The following INTS9 variants were observed in gnomAD, a reference collection of about 807,000 sequenced individuals.
INTS9 encodes the protein integrator complex subunit 9, also known as protein related to CPSF subunits of 74 kDa.
INTS9 carries 55 observed loss-of-function variants against 79.7 expected under a neutral mutation model. The observed-to-expected ratio is 0.69, with a 90% CI of 0.56 to 0.86. The LOEUF is 0.86. Among genes scored for constraint, INTS9 ranks in the 40% least tolerant of loss-of-function variants. The pLI, the probability that INTS9 is intolerant of heterozygous loss-of-function variation, is 0.00. For missense variants in INTS9, 721 were observed against 831.5 expected, an observed-to-expected ratio of 0.87 and a Z score of 1.64; for synonymous variants, 319 against 325.2, an observed-to-expected ratio of 0.98 and a Z score of 0.20.
chr8:28,837,227 T>C (rs890216162), intron 5 of INTS9, among the ~76,000 whole-genome samples: 1 of 152,234 alleles, frequency 6.6e-6, no homozygotes, highest in African/African-American at 2.4e-5. Flanking sequence ...CCATTTATAG[T>C]CTACAACAAA....
At chr8:28,808,036 A>T (rs1206637676) in intron 8 of INTS9, among the ~76,000 whole-genome samples, 4 of 152,134 alleles carry the variant, frequency 2.6e-5, no homozygotes, top group African/African-American at 7.2e-5. Context: ...AGTAAAGGCT[A>T]GTTCTCTTCC....
At chr8:28,825,473 C>T (rs191468598) in intron 6 of INTS9, among the ~76,000 whole-genome samples, 2 of 152,270 alleles carry the variant, frequency 1.3e-5, no homozygotes, top group Admixed American at 6.5e-5. Flanking sequence ...TTTTCCTTAC[C>T]CATTATTTGA....
At chr8:28,806,860 C>G (rs1804845081) in intron 8 of INTS9, among the ~76,000 whole-genome samples, 1 of 151,932 alleles carries the variant, frequency 6.6e-6, no homozygotes, top group African/African-American at 2.4e-5. Context: ...AAAAATGTAA[C>G]AGAGTAAAAT....
intron 6 of INTS9, among the ~76,000 whole-genome samples, chr8:28,834,781 A>G (rs1806704067): frequency 6.6e-6 from 1 of 151,866 alleles, no homozygotes; most frequent in African/African-American, 2.4e-5. Flanking sequence ...GGTTCAAGCA[A>G]TTCTCCTGCC....
At chr8:28,840,262 G>A (rs1474378233) in intron 4 of INTS9, among the ~76,000 whole-genome samples, 3 of 151,680 alleles carry the variant, frequency 2.0e-5, no homozygotes, top group Non-Finnish European at 4.4e-5. Flanking sequence ...ACACCAGTTA[G>A]AATGGCAATC....
chr8:28,880,449 C>A (rs1201548949), intron 1 of INTS9, among the ~76,000 whole-genome samples: 1 of 152,062 alleles, frequency 6.6e-6, no homozygotes, highest in African/African-American at 2.4e-5. Context: ...TTGGTGGAGA[C>A]GGGGTTTCGA....
chr8:28,778,058 G>T, intron 12 of INTS9, 105 bp from the exon 13 acceptor site: 2 of 1,290,970 alleles, frequency 1.5e-6, no homozygotes, highest in Non-Finnish European at 1.0e-6. Flanking sequence ...CAGGGGGTCA[G>T]GAGGGAGCCA....
intron 6 of INTS9, among the ~76,000 whole-genome samples, chr8:28,822,060 G>T (rs1184911512): frequency 6.6e-6 from 1 of 152,076 alleles, no homozygotes; most frequent in Non-Finnish European, 1.5e-5. Context: ...ACTGATATCT[G>T]TGCTTTATAT....
chr8:28,815,279 C>T (rs1805403502), intron 6 of INTS9, among the ~76,000 whole-genome samples: 1 of 152,064 alleles, frequency 6.6e-6, no homozygotes, highest in African/African-American at 2.4e-5. Flanking sequence ...GCCAACAATA[C>T]ACCAGAATTT....
chr8:28,861,906 C>G (rs1051577183), intron 1 of INTS9: 1 of 176,870 alleles, frequency 5.7e-6, no homozygotes, highest in African/African-American at 2.4e-5. Context: ...CGAGCTCATT[C>G]GCCTTATTTG....
At chr8:28,884,606 G>A (rs1810088235) in intron 1 of INTS9, among the ~76,000 whole-genome samples, 1 of 152,198 alleles carries the variant, frequency 6.6e-6, no homozygotes, top group Non-Finnish European at 1.5e-5. Context: ...AGAAAGGTAT[G>A]TAACTTAGCC....
chr8:28,784,130 C>T (rs1416622582), intron 11 of INTS9: 5 of 152,208 alleles, frequency 3.3e-5, no homozygotes, highest in Non-Finnish European at 5.9e-5. Context: ...TTCTCATGGG[C>T]ATTGGTAACA....
At chr8:28,770,337 C>T (rs1010362317) in intron 15 of INTS9, among the ~76,000 whole-genome samples, 2 of 152,214 alleles carry the variant, frequency 1.3e-5, no homozygotes, top group African/African-American at 2.4e-5. Flanking sequence ...TACACTGTGT[C>T]GTGCTGCAGG....
At chr8:28,876,715 A>G (rs1809410270) in intron 1 of INTS9, among the ~76,000 whole-genome samples, 1 of 152,170 alleles carries the variant, frequency 6.6e-6, no homozygotes, top group Non-Finnish European at 1.5e-5. Flanking sequence ...AAAGTTATGC[A>G]CCTGGAAAAC....
At chr8:28,818,578 A>T (rs1276780433) in intron 6 of INTS9, among the ~76,000 whole-genome samples, 1 of 151,738 alleles carries the variant, frequency 6.6e-6, no homozygotes, top group Non-Finnish European at 1.5e-5. Context: ...GGATTTTTGC[A>T]TCAATGTTCA....
chr8:28,874,103 C>T (rs1292485312), intron 1 of INTS9, among the ~76,000 whole-genome samples: 1 of 149,006 alleles, frequency 6.7e-6, no homozygotes, highest in Non-Finnish European at 1.5e-5. Flanking sequence ...CTCCCTAATT[C>T]TTCTTGTTTT....
At chr8:28,774,246 CACTGGG>C (rs1446376480) in intron 14 of INTS9, among the ~76,000 whole-genome samples, 5 of 152,222 alleles carry the variant, frequency 3.3e-5, no homozygotes, top group African/African-American at 1.2e-4. Context: ...TTATCCCTGG[CACTGGG>C]ACTGATTTTT....
chr8:28,776,091 G>T (rs1802861667), intron 13 of INTS9, 165 bp from the exon 14 acceptor site: 4 of 503,532 alleles, frequency 7.9e-6, no homozygotes, highest in Middle Eastern at 5.2e-4. Context: ...GACAGGAGAG[G>T]GAACGTGAAG....
chr8:28,853,209 T>C (rs1007286469), intron 2 of INTS9, among the ~76,000 whole-genome samples: 7 of 151,616 alleles, frequency 4.6e-5, no homozygotes, highest in Admixed American at 2.6e-4. Flanking sequence ...AGGTCAGGGG[T>C]TCGAGACCAG....
Sources: gnomAD v4.1 joint callset for allele counts (sites outside exome capture counted in the v4.1 genomes callset) on GRCh38, gnomAD v4.1.1 for gene constraint, MANE v1.5 for transcripts, NCBI Gene and HGNC (gene_info 2026-07-23, HGNC 2026-07-21) for gene names.